The following SYT1 variants were observed in gnomAD, a reference collection of about 807,000 sequenced individuals.
SYT1 encodes synaptotagmin 1, also known as synaptotagmin-1.
A neutral mutation model predicts 44.8 loss-of-function variants in SYT1; 8 were observed. That is an observed-to-expected ratio of 0.18 (90% CI 0.10 to 0.32). The LOEUF (loss-of-function observed/expected upper bound fraction) is 0.32, where lower values mean the gene tolerates loss of function less well. Among genes scored for constraint, SYT1 ranks in the 10% least tolerant of loss-of-function variants. SYT1 has a pLI of 1.00. For synonymous variants in SYT1, 154 were observed against 188.8 expected (o/e 0.82, Z 1.51); for missense variants, 286 against 509.3 (o/e 0.56, Z 4.22).
intron 9 of SYT1, among the ~76,000 whole-genome samples, chr12:79,364,346 G>T (rs1028589669): frequency 3.3e-5 from 5 of 151,660 alleles, no homozygotes; most frequent in Non-Finnish European, 4.4e-5. Context: ...AGTCATAAAG[G>T]CATTTTCAAG....
chr12:78,898,680 G>C (rs1875494480), intron 1 of SYT1, among the ~76,000 whole-genome samples: 1 of 152,070 alleles, frequency 6.6e-6, no homozygotes, highest in Non-Finnish European at 1.5e-5. Context: ...GGTTCTGCCA[G>C]CTGGCTTTGC....
intron 1 of SYT1, among the ~76,000 whole-genome samples, chr12:78,884,657 T>C (rs931631799): frequency 4.6e-5 from 7 of 151,236 alleles, no homozygotes; most frequent in African/African-American, 1.5e-4. Flanking sequence ...CATTCAGACA[T>C]TATAAATAAA....
At chr12:79,323,904 A>G (rs923534513) in intron 8 of SYT1, among the ~76,000 whole-genome samples, 2 of 149,742 alleles carry the variant, frequency 1.3e-5, no homozygotes, top group African/African-American at 4.9e-5. Flanking sequence ...AATGAGAATA[A>G]TTATTTTAGG....
intron 4 of SYT1, among the ~76,000 whole-genome samples, chr12:79,255,136 T>C: frequency 6.6e-6 from 1 of 152,198 alleles, no homozygotes; most frequent in Non-Finnish European, 1.5e-5. Flanking sequence ...AAAGCTTTCA[T>C]GAAAGGAAGA....
At chr12:79,176,013 G>A (rs562750920) in intron 3 of SYT1, among the ~76,000 whole-genome samples, 4 of 152,190 alleles carry the variant, frequency 2.6e-5, no homozygotes, top group Non-Finnish European at 5.9e-5. Context: ...AGAGCGGGCC[G>A]GGTGTGGAGG....
chr12:79,433,824 C>G (rs1213735573), intron 9 of SYT1, among the ~76,000 whole-genome samples: 1 of 152,132 alleles, frequency 6.6e-6, no homozygotes, highest in Non-Finnish European at 1.5e-5. Context: ...CAAAAAACAT[C>G]CAGATTATAC....
intron 3 of SYT1, among the ~76,000 whole-genome samples, chr12:79,203,182 G>A (rs1221264775): frequency 6.6e-6 from 1 of 152,168 alleles, no homozygotes; most frequent in African/African-American, 2.4e-5. Context: ...AACCGTAAGG[G>A]AAATGTATTA....
intron 10 of SYT1, among the ~76,000 whole-genome samples, chr12:79,446,015 A>ATATATATATG (rs1870703207): frequency 4.4e-5 from 5 of 113,606 alleles, no homozygotes; most frequent in Admixed American, 1.9e-4. Flanking sequence ...ATATATATAT[A>ATATATATATG]TATATATATA....
At chr12:79,009,717 A>G (rs967217372) in intron 2 of SYT1, among the ~76,000 whole-genome samples, 1 of 152,082 alleles carries the variant, frequency 6.6e-6, no homozygotes, top group Non-Finnish European at 1.5e-5. Context: ...AACTGTTTAG[A>G]TTTTCAGCAT....
At chr12:79,291,100 A>AT (rs541423225) in intron 5 of SYT1, among the ~76,000 whole-genome samples, 18 of 152,168 alleles carry the variant, frequency 1.2e-4, no homozygotes, top group Non-Finnish European at 2.2e-4. Flanking sequence ...ATATATTTTG[A>AT]TTTTTTAAAA....
At chr12:79,430,567 C>T (rs144605463) in intron 9 of SYT1, among the ~76,000 whole-genome samples, 21 of 152,312 alleles carry the variant, frequency 1.4e-4, no homozygotes, top group Admixed American at 9.1e-4. Context: ...AGGAGGATCA[C>T]TTGAGTTCAA....
At position 79,207,414 on chromosome 12, in the gene SYT1, A is replaced by G. The variant is rs139667818; in HGVS notation, c.-17-10089A>G. Among the ~76,000 whole-genome samples, 686 of 152,302 alleles carry G rather than the reference A, an allele frequency of 4.5e-3. 6 individuals carry two copies. Among genetic ancestry groups the G allele is most frequent in the African/African-American group, 0.016 (647 of 41,566 alleles). ...TCCAGGATACATGTACAGGACATGC[A>G]GCTTTGTTACATAGGTAAACGTGTG... is the stretch of plus-strand genomic sequence containing the variant. On this transcript the variant is annotated intron_variant, in intron 3 of 10. Coordinates refer to ENST00000261205, the MANE Select transcript of SYT1 (RefSeq NM_005639.3).
chr12:79,150,617 C>T (rs1281079094), intron 3 of SYT1, among the ~76,000 whole-genome samples: 1 of 152,004 alleles, frequency 6.6e-6, no homozygotes, highest in African/African-American at 2.4e-5. Context: ...AAAGAAATTC[C>T]AAGTGAACAT....
rs781514685 is a variant in SYT1, at chr12:79,431,509, T to TTTA, written c.929-12562_929-12561insATT. 9.3e-3 allele frequency among the ~76,000 whole-genome samples: 960 copies of TTTA among 102,904 alleles called. 2 individuals carry two copies. The highest frequency in any genetic ancestry group is 0.013 in the Middle Eastern group (3 of 224). The allele number at this position is 102,904 out of a possible 152,430, so 67.5% of individuals were successfully genotyped here. A position where few individuals can be genotyped will look rare whatever the true frequency, so the allele number is the denominator to read the frequency against. ...TAAAGCCATAGTTTATTTTATTTTA[T>TTTA]TTTATTATTTATTTATTTATTTATT... is the stretch of plus-strand genomic sequence containing the variant. On this transcript the variant is annotated intron_variant, in intron 9 of 10. Transcript: ENST00000261205.
At chr12:79,413,099 A>G (rs1868529485) in intron 9 of SYT1, among the ~76,000 whole-genome samples, 1 of 152,198 alleles carries the variant, frequency 6.6e-6, no homozygotes, top group Non-Finnish European at 1.5e-5. Context: ...CTAACTCAGA[A>G]TGGCAACATA....
At chr12:79,292,227 G>A in intron 6 of SYT1, 97 bp downstream of exon 6, 1 of 1,409,336 alleles carries the variant, frequency 7.1e-7, no homozygotes. Flanking sequence ...TTTGTTTGCT[G>A]TGAGGGGAAA....
At chr12:79,311,903 G>A (rs1378932494) in intron 8 of SYT1, among the ~76,000 whole-genome samples, 1 of 144,744 alleles carries the variant, frequency 6.9e-6, no homozygotes, top group South Asian at 2.3e-4. Context: ...AGCATTAGGA[G>A]ATATACCTAA....
chr12:79,115,322 T>C (rs1426064406), intron 3 of SYT1, among the ~76,000 whole-genome samples: 2 of 152,146 alleles, frequency 1.3e-5, no homozygotes, highest in African/African-American at 2.4e-5. Flanking sequence ...AGCTAGAGGG[T>C]TCAATCACAC....
intron 1 of SYT1, among the ~76,000 whole-genome samples, chr12:78,875,701 C>A (rs1273114608): frequency 6.6e-6 from 1 of 151,708 alleles, no homozygotes; most frequent in Non-Finnish European, 1.5e-5. Context: ...TATGCTGTCT[C>A]ATTTCTGTGT....
Sources: gnomAD v4.1 joint callset for allele counts (sites outside exome capture counted in the v4.1 genomes callset) on GRCh38, gnomAD v4.1.1 for gene constraint, MANE v1.5 for transcripts, NCBI Gene and HGNC (gene_info 2026-07-23, HGNC 2026-07-21) for gene names.